The following MIAT variants were observed in gnomAD, a reference collection of about 807,000 sequenced individuals.
MIAT encodes the protein myocardial infarction associated transcript.
exon 5 of MIAT, chr22:26,676,214 GTTCCA>G (rs1000012610): frequency 1.4e-4 from 57 of 395,370 alleles, no homozygotes; most frequent in African/African-American, 1.1e-3. Context: ...GGGGGGACTG[GTTCCA>G]TTCCATCAAA....
At chr22:26,673,816 G>C, downstream of MIAT, 1 of 398,628 alleles carries the variant, frequency 2.5e-6, no homozygotes, top group East Asian at 3.6e-5. Context: ...GCTCTGGTGT[G>C]GACCAGGCCT....
chr22:26,673,568 T>C, downstream of MIAT: 1 of 398,778 alleles, frequency 2.5e-6, no homozygotes, highest in Middle Eastern at 6.3e-4. Flanking sequence ...GATTTTTTTC[T>C]GACTAACAAC....
At chr22:26,670,458 C>T (rs1219602924), downstream of MIAT, 2 of 398,370 alleles carry the variant, frequency 5.0e-6, no homozygotes, top group East Asian at 7.1e-5. Context: ...AGAGAGACCC[C>T]AGAGAGGGCT....
At chr22:26,669,909 G>A (rs138784339), downstream of MIAT, 22 of 398,722 alleles carry the variant, frequency 5.5e-5, no homozygotes, top group African/African-American at 2.9e-4. Context: ...CTGAGCCTCC[G>A]ATGCTCTGTG....
downstream of MIAT, chr22:26,673,882 G>A (rs1353815914): frequency 5.0e-6 from 2 of 398,536 alleles, no homozygotes; most frequent in Non-Finnish European, 8.8e-6. Context: ...GTCTTGCAAG[G>A]TTTTGGCCAT....
chr22:26,661,818 A>G (rs955328673), intron 2 of MIAT, among the ~76,000 whole-genome samples: 7 of 146,860 alleles, frequency 4.8e-5, no homozygotes, highest in Admixed American at 3.5e-4. Flanking sequence ...GTTTTCTCAC[A>G]GTAATAGTAA....
At chr22:26,662,906 T>A (rs1930723663) in intron 2 of MIAT, among the ~76,000 whole-genome samples, 1 of 152,218 alleles carries the variant, frequency 6.6e-6, no homozygotes, top group East Asian at 1.9e-4. Flanking sequence ...GTGTGGTCAG[T>A]GATAATAATA....
chr22:26,652,786 C>T lies in MIAT; in HGVS notation n.646+5475C>T, dbSNP rs185303106. 4.2e-4 allele frequency among the ~76,000 whole-genome samples: 64 copies of T among 152,268 alleles called. No individual in the cohort carries two copies. In the East Asian group the frequency reaches 0.012, roughly 28 times the overall value. On this transcript the variant is annotated intron_variant and non_coding_transcript_variant, in intron 2 of 5. Transcript: ENST00000643270. ...CTAAAGAGAAGAGAGACTCAGGCTCCCCTTTCCTTGATATGTTGTCAGTGT... is the reference window on the plus strand; with the variant it reads ...CTAAAGAGAAGAGAGACTCAGGCTCTCCTTTCCTTGATATGTTGTCAGTGT...
chr22:26,655,194 C>T (rs1433059723), intron 2 of MIAT, among the ~76,000 whole-genome samples: 5 of 152,142 alleles, frequency 3.3e-5, no homozygotes, highest in African/African-American at 1.2e-4. Context: ...CTAAAGCCTC[C>T]TTGGGACTCT....
intron 2 of MIAT, among the ~76,000 whole-genome samples, chr22:26,656,387 C>T (rs1296091383): frequency 1.3e-5 from 2 of 149,676 alleles, no homozygotes; most frequent in South Asian, 2.1e-4. Flanking sequence ...TACAGTGGCG[C>T]GACCTCGGCT....
At position 26,666,501 on chromosome 22, in the gene MIAT, G is replaced by C. The variant is rs1330826703; in HGVS notation, n.1700G>C. ...AATGTCAAGGCAGGAAGGGTTCCAGGGCCACCCAGTGTGGCAGGAGCAGAG... is the reference window on the plus strand; with the variant it reads ...AATGTCAAGGCAGGAAGGGTTCCAGCGCCACCCAGTGTGGCAGGAGCAGAG... On this transcript the variant is annotated non_coding_transcript_exon_variant, in exon 4 of 6. Transcript: ENST00000643270. 3 of 398,626 alleles carry C rather than the reference G, an allele frequency of 7.5e-6. No homozygotes were observed. In the East Asian group the frequency reaches 1.1e-4, roughly 14 times the overall value. 24.7% of individuals were successfully genotyped at this position (398,626 alleles called of 1,614,324 possible).
intron 2 of MIAT, among the ~76,000 whole-genome samples, chr22:26,648,374 A>G (rs1346769943): frequency 1.3e-5 from 2 of 152,160 alleles, no homozygotes; most frequent in Non-Finnish European, 2.9e-5. Flanking sequence ...AGGCAAGCGC[A>G]CACGCTGGAG....
At chr22:26,671,386 G>A (rs1931039814), downstream of MIAT, 1 of 398,860 alleles carries the variant, frequency 2.5e-6, no homozygotes, top group Non-Finnish European at 4.4e-6. Flanking sequence ...GCAGCTGGAG[G>A]GGCCGGGGCA....
At chr22:26,668,314 C>T in exon 6 of MIAT, 1 of 398,654 alleles carries the variant, frequency 2.5e-6, no homozygotes, top group Non-Finnish European at 4.4e-6. Context: ...CTCTTCACAC[C>T]TGTTGGGATG....
At chr22:26,652,310 C>T (rs1399272222) in intron 2 of MIAT, among the ~76,000 whole-genome samples, 3 of 152,064 alleles carry the variant, frequency 2.0e-5, no homozygotes, top group African/African-American at 7.2e-5. Flanking sequence ...TTGTGCCCGA[C>T]CTTAGATTAT....
chr22:26,650,798 G>A (rs1426566284), intron 2 of MIAT, among the ~76,000 whole-genome samples: 5 of 152,214 alleles, frequency 3.3e-5, no homozygotes. Context: ...GATTCAGGAT[G>A]ATGCAGATGG....
At chr22:26,662,812 C>A (rs1393017851) in intron 2 of MIAT, among the ~76,000 whole-genome samples, 1 of 152,172 alleles carries the variant, frequency 6.6e-6, no homozygotes, top group Non-Finnish European at 1.5e-5. Flanking sequence ...GTATGTTTTC[C>A]TGGCAGCTGC....
At chr22:26,649,887 T>C (rs1170953270) in intron 2 of MIAT, among the ~76,000 whole-genome samples, 2 of 151,986 alleles carry the variant, frequency 1.3e-5, no homozygotes, top group Non-Finnish European at 2.9e-5. Flanking sequence ...CATTCCAGCC[T>C]GGCAACAGAG....
At chr22:26,671,653 G>A (rs1240803386), downstream of MIAT, 1 of 398,490 alleles carries the variant, frequency 2.5e-6, no homozygotes, top group East Asian at 3.6e-5. Flanking sequence ...CACGTTCCAG[G>A]ACAGAGAATG....
Sources: allele counts gnomAD v4.1 joint callset (sites outside exome capture counted in the v4.1 genomes callset), GRCh38; gene constraint gnomAD v4.1.1; transcripts MANE v1.5; gene names NCBI Gene and HGNC (gene_info 2026-07-23, HGNC 2026-07-21).